Variants in CCDC172 observed in about 807,000 individuals in gnomAD.
The protein encoded by CCDC172 is coiled-coil domain containing 172, also known as coiled-coil domain-containing protein 172.
In CCDC172, 30 loss-of-function variants were observed where a neutral mutation model predicts 38.0. That is an observed-to-expected ratio of 0.79 (90% CI 0.59 to 1.07). The LOEUF is 1.07. Ranked by LOEUF, CCDC172 falls within the 50% of genes least tolerant of loss-of-function variation. The pLI is 0.00. For synonymous variants in CCDC172, 78 were observed against 88.3 expected (o/e 0.88, Z 0.66); for missense variants, 297 against 290.1 (o/e 1.02, Z -0.17).
At chr10:116,325,505 T>G (rs957551194) in intron 3 of CCDC172, 117 bp downstream of exon 3, 1 of 730,888 alleles carries the variant, frequency 1.4e-6, no homozygotes, top group East Asian at 2.7e-5. Context: ...CGTTACTCTG[T>G]GCTGGCTGTT....
At chr10:116,324,894 G>C (rs1016481820) in intron 1 of CCDC172, 53 bp from the exon 2 acceptor site, 7 of 807,736 alleles carry the variant, frequency 8.7e-6, no homozygotes, top group Non-Finnish European at 1.2e-5. Flanking sequence ...TTGGAGACAG[G>C]TCTATCTGGG....
chr10:116,379,510 G>A lies in CCDC172; in HGVS notation c.*152G>A, dbSNP rs1391606362. 4.6e-6 allele frequency: 2 copies of A among 436,550 alleles called. No individual in the cohort carries two copies. Among genetic ancestry groups the A allele is most frequent in the Admixed American group, 4.3e-5 (1 of 23,198 alleles). The allele number at this position is 436,550 out of a possible 1,614,324, so 27.0% of individuals were successfully genotyped here. A position where few individuals can be genotyped will look rare whatever the true frequency, so the allele number is the denominator to read the frequency against. ...CAAATTGTTATTATCTAGAAATGAT[G>A]TGTTAGCCCTTTAAGATAATTTTTG... is the stretch of plus-strand genomic sequence containing the variant. On this transcript the variant is annotated 3_prime_UTR_variant, in exon 9 of 9. Coordinates refer to ENST00000333254, the MANE Select transcript of CCDC172 (RefSeq NM_198515.3).
chr10:116,325,028 T>G lies in CCDC172; in HGVS notation c.17T>G (p.Leu6Arg), dbSNP rs1476006397. Residue 6 changes from leucine to arginine, a missense_variant, in exon 2 of 9, where the codon CTG becomes CGG. Physicochemically the swap from Leu to Arg is moderately radical, Grantham distance 102. Coordinates refer to ENST00000333254, the MANE Select transcript of CCDC172 (RefSeq NM_198515.3). ...GGCCCTGAGATGAGCTTGGAGTCCCTGTTTCAGCACATCATCTTCACCGAG... is the reference window on the plus strand; with the variant it reads ...GGCCCTGAGATGAGCTTGGAGTCCCGGTTTCAGCACATCATCTTCACCGAG... MSLES[L>R]FQHIIFTEHQ... 6.2e-7 allele frequency: 1 copy of G among 1,614,120 alleles called. No homozygotes were observed. The highest frequency in any genetic ancestry group is 8.5e-7 in the Non-Finnish European group (1 of 1,179,994).
At chr10:116,338,298 G>T (rs976555231) in intron 3 of CCDC172, among the ~76,000 whole-genome samples, 1 of 151,996 alleles carries the variant, frequency 6.6e-6, no homozygotes, top group Non-Finnish European at 1.5e-5. Context: ...TAGATCCTAT[G>T]TAAATTTGAA....
Position 116,325,284 on chromosome 10 carries a change from G to A in CCDC172, c.80-19G>A, listed in dbSNP as rs913198638. 1 of 1,604,494 alleles carries A rather than the reference G, an allele frequency of 6.2e-7. No homozygotes were observed. Among genetic ancestry groups the A allele is most frequent in the Non-Finnish European group, 8.5e-7 (1 of 1,173,414 alleles). On this transcript the variant is annotated intron_variant, in intron 2 of 8. Transcript: ENST00000333254. Reference sequence around the variant, plus strand: ...CTTTAGAAAGATTGATGTGTTTAAAGATTTAATTTTTATTACAGTAAGGTC... The same window carrying A: ...CTTTAGAAAGATTGATGTGTTTAAAAATTTAATTTTTATTACAGTAAGGTC...
At chr10:116,339,768 CT>C (rs1241620390) in intron 3 of CCDC172, among the ~76,000 whole-genome samples, 1 of 151,916 alleles carries the variant, frequency 6.6e-6, no homozygotes, top group Non-Finnish European at 1.5e-5. Flanking sequence ...CAAACTGTCT[CT>C]TAAGCCAACC....
chr10:116,324,894 G>T (rs1016481820), intron 1 of CCDC172, 53 bp from the exon 2 acceptor site: 2 of 807,736 alleles, frequency 2.5e-6, no homozygotes, highest in Non-Finnish European at 2.0e-6. Flanking sequence ...TTGGAGACAG[G>T]TCTATCTGGG....
intron 7 of CCDC172, among the ~76,000 whole-genome samples, chr10:116,361,292 TTTG>T (rs908552169): frequency 5.9e-5 from 9 of 152,060 alleles, no homozygotes; most frequent in African/African-American, 2.2e-4. Context: ...CCTATTATTT[TTTG>T]TTATTACCCA....
At chr10:116,365,094 G>A (rs1845107587) in intron 7 of CCDC172, among the ~76,000 whole-genome samples, 1 of 152,114 alleles carries the variant, frequency 6.6e-6, no homozygotes, top group Admixed American at 6.5e-5. Flanking sequence ...TAGGCAATCA[G>A]TCTATGCACT....
rs776215335 is a variant in CCDC172 at position 116,357,830 on chromosome 10, G to T, written c.551-6G>T. On this transcript the variant is annotated splice_polypyrimidine_tract_variant and splice_region_variant and intron_variant, in intron 6 of 8. Coordinates refer to ENST00000333254, the MANE Select transcript of CCDC172 (RefSeq NM_198515.3). ...AAAGATTGCAACTATTTTTTGATTT[G>T]TTTAGTTTTTGAAGATGAAGAGAAT... 5 of 1,342,824 alleles carry T rather than the reference G, an allele frequency of 3.7e-6. No individual in the cohort carries two copies. The Admixed American group carries it at 1.1e-4, about 31-fold the overall frequency. The allele number at this position is 1,342,824 out of a possible 1,614,324, so 83.2% of individuals were successfully genotyped here.
rs542411694 is a variant in CCDC172 at position 116,336,832 on chromosome 10, T to G, written c.166-3902T>G. Among the ~76,000 whole-genome samples the G allele has an allele frequency of 2.0e-5, 3 of 152,258 alleles. No individual in the cohort carries two copies. The South Asian group carries it at 6.2e-4, about 32-fold the overall frequency. On this transcript the variant is annotated intron_variant, in intron 3 of 8. Transcript: ENST00000333254. ...ACTTTGCTTGCTTGGACCCTAACAT[T>G]AATTTTAAATCCTCAGTCATTTTCA...
chr10:116,325,207 C>T, intron 2 of CCDC172, 96 bp from the exon 3 acceptor site: 8 of 1,459,896 alleles, frequency 5.5e-6, no homozygotes, highest in Non-Finnish European at 7.6e-6. Flanking sequence ...GCATGCCATG[C>T]TGAGGGAAAG....
intron 5 of CCDC172, among the ~76,000 whole-genome samples, chr10:116,350,486 A>G (rs960859461): frequency 6.6e-6 from 1 of 152,238 alleles, no homozygotes; most frequent in Non-Finnish European, 1.5e-5. Context: ...AGAAATGTGG[A>G]ATAATTGATA....
intron 7 of CCDC172, among the ~76,000 whole-genome samples, chr10:116,362,312 T>G (rs1196498370): frequency 6.6e-6 from 1 of 152,258 alleles, no homozygotes; most frequent in Non-Finnish European, 1.5e-5. Flanking sequence ...TGCAGTTTGC[T>G]TAATTATTTA....
At chr10:116,362,776 C>G (rs1845079515) in intron 7 of CCDC172, among the ~76,000 whole-genome samples, 2 of 152,088 alleles carry the variant, frequency 1.3e-5, no homozygotes, top group African/African-American at 2.4e-5. Flanking sequence ...TTTTTTAGCT[C>G]TATATTTTGC....
chr10:116,342,315 G>A (rs1844806145), intron 5 of CCDC172, 114 bp downstream of exon 5: 7 of 783,154 alleles, frequency 8.9e-6, no homozygotes, highest in East Asian at 3.2e-5. Flanking sequence ...ATTGCATAGC[G>A]ATTCTTTTAC....
chr10:116,327,087 T>G (rs1240193666), intron 3 of CCDC172, among the ~76,000 whole-genome samples: 1 of 152,136 alleles, frequency 6.6e-6, no homozygotes, highest in Non-Finnish European at 1.5e-5. Flanking sequence ...TTCTAAATGC[T>G]TCTCCTGTAT....
At chr10:116,351,772 TG>T (rs2134939807) in intron 5 of CCDC172, among the ~76,000 whole-genome samples, 1 of 152,286 alleles carries the variant, frequency 6.6e-6, no homozygotes, top group East Asian at 1.9e-4. Flanking sequence ...AAGCCCTAAT[TG>T]CCCAAGCCTT....
chr10:116,355,846 A>G (rs1844988698), intron 5 of CCDC172, among the ~76,000 whole-genome samples: 1 of 152,182 alleles, frequency 6.6e-6, no homozygotes, highest in Non-Finnish European at 1.5e-5. Context: ...GACTGCTAAC[A>G]GGTATGGAGT....
Sources: gnomAD v4.1 joint callset for allele counts (sites outside exome capture counted in the v4.1 genomes callset) on GRCh38, gnomAD v4.1.1 for gene constraint, MANE v1.5 for transcripts, NCBI Gene and HGNC (gene_info 2026-07-23, HGNC 2026-07-21) for gene names.